The following DCC variants were observed in gnomAD, a reference collection of about 807,000 sequenced individuals.
DCC encodes netrin receptor DCC.
A neutral mutation model predicts 172.5 loss-of-function variants in DCC; 58 were observed. The observed-to-expected ratio is 0.34, with a 90% CI of 0.27 to 0.42. The LOEUF is 0.42. DCC is among the 10% of genes least tolerant of loss of function. The probability of loss-of-function intolerance (pLI) is 1.00; values close to 1 mark genes in which losing one functional copy is unlikely to be tolerated. For synonymous variants in DCC, 709 were observed against 644.5 expected, an observed-to-expected ratio of 1.10 and a Z score of -1.52; for missense variants, 1,740 against 1,791.0, an observed-to-expected ratio of 0.97 and a Z score of 0.51.
At chr18:53,376,174 T>C (rs564335950) in intron 15 of DCC, among the ~76,000 whole-genome samples, 20 of 152,070 alleles carry the variant, frequency 1.3e-4, no homozygotes, top group Non-Finnish European at 2.8e-4. Flanking sequence ...GGCGGATCAC[T>C]TGAGGTCAGG....
intron 1 of DCC, among the ~76,000 whole-genome samples, chr18:52,472,786 T>A (rs1168889245): frequency 6.6e-6 from 1 of 152,072 alleles, no homozygotes; most frequent in Non-Finnish European, 1.5e-5. Flanking sequence ...GAGCCTATAG[T>A]CCCAGCTACT....
intron 1 of DCC, among the ~76,000 whole-genome samples, chr18:52,549,534 G>GAAA (rs2032706540): frequency 6.6e-6 from 1 of 152,054 alleles, no homozygotes; most frequent in Non-Finnish European, 1.5e-5. Context: ...TCCACACGGT[G>GAAA]AACCAGTGTT....
chr18:52,881,746 G>GT (rs1243449951), intron 2 of DCC, among the ~76,000 whole-genome samples: 1 of 152,008 alleles, frequency 6.6e-6, no homozygotes, highest in Non-Finnish European at 1.5e-5. Context: ...GATTATTTTA[G>GT]TTTTTTTCTT....
chr18:53,405,229 A>G (rs1546302), intron 19 of DCC, among the ~76,000 whole-genome samples: 101,435 of 151,078 alleles, frequency 0.67, 37,308 homozygotes, highest in Non-Finnish European at 0.83. Context: ...TCTCAGTGCG[A>G]CCAGGTAGAT....
intron 5 of DCC, among the ~76,000 whole-genome samples, chr18:52,994,273 T>C (rs1051641808): frequency 6.6e-6 from 1 of 152,232 alleles, no homozygotes. Flanking sequence ...AAGTAACAGA[T>C]TCTTGGCAAA....
intron 8 of DCC, among the ~76,000 whole-genome samples, chr18:53,167,934 G>T (rs4614799): frequency 6.6e-6 from 1 of 151,954 alleles, no homozygotes; most frequent in African/African-American, 2.4e-5. Flanking sequence ...AGAGTCAGAA[G>T]TGTGAGTCAG....
At chr18:52,637,760 A>T (rs1280906262) in intron 1 of DCC, among the ~76,000 whole-genome samples, 1 of 152,222 alleles carries the variant, frequency 6.6e-6, no homozygotes, top group Non-Finnish European at 1.5e-5. Context: ...ATAATAGAGG[A>T]AAACTTCCCC....
In DCC at chr18:52,923,833, G is replaced by A. The variant is rs140998273; in HGVS notation, c.824G>A (p.Arg275Gln). The change falls in exon 4 of 29, where the codon CGA (arginine) becomes CAA (glutamine). Residue 275 changes from arginine to glutamine, a missense_variant. By Grantham distance (43) the Arg-to-Gln change is conservative (BLOSUM62 1). Around this residue, in one of 2 missense-constraint regions of DCC, gnomAD observed 1,732 missense variants for 1,767.4 expected, o/e 0.98. Coordinates refer to ENST00000442544, the MANE Select transcript of DCC (RefSeq NM_005215.4). ...CCTCCACCAAGTTTTACCTGGTTAC[G>A]AGGCGAGGAAGTCATCCAACTCAGG... is the stretch of plus-strand genomic sequence containing the variant. ...GYPPPSFTWL[R>Q]GEEVIQLRSK... 117 of 1,613,194 alleles carry A rather than the reference G, an allele frequency of 7.3e-5. No homozygotes were observed. The highest frequency in any genetic ancestry group is 9.0e-5 in the Non-Finnish European group (106 of 1,179,534).
At chr18:53,254,840 C>T (rs2056484118) in intron 12 of DCC, among the ~76,000 whole-genome samples, 1 of 152,022 alleles carries the variant, frequency 6.6e-6, no homozygotes, top group Non-Finnish European at 1.5e-5. Context: ...GTGCATCCAT[C>T]AGCAATATTT....
chr18:52,541,054 T>C (rs150087854), intron 1 of DCC, among the ~76,000 whole-genome samples: 1 of 152,208 alleles, frequency 6.6e-6, no homozygotes, highest in African/African-American at 2.4e-5. Context: ...TCCCGTTTGA[T>C]TCTCATAGCT....
In DCC at chr18:52,852,867, A is replaced by G. The variant is rs561131441; in HGVS notation, c.413-53177A>G. On this transcript the variant is annotated intron_variant, in intron 2 of 28. Coordinates refer to ENST00000442544, the MANE Select transcript of DCC (RefSeq NM_005215.4). The stretch of plus-strand genomic sequence containing the variant: ...ATGGAAATTACATATTTAGTATCTC[A>G]TTTGGTCTACCCAGCTGCAGTATGA... Among the ~76,000 whole-genome samples, 13 of 152,282 alleles carry G rather than the reference A, an allele frequency of 8.5e-5. No homozygotes were observed. In the South Asian group the frequency reaches 2.7e-3, roughly 32 times the overall value.
At chr18:52,581,196 T>TATCTATCTATCTATCTATCTATA (rs1412305707) in intron 1 of DCC, among the ~76,000 whole-genome samples, 1 of 151,920 alleles carries the variant, frequency 6.6e-6, no homozygotes, top group African/African-American at 2.4e-5. Context: ...CTTATCTATC[T>TATCTATCTATCTATCTATCTATA]ATCTATCTAT....
At chr18:53,054,162 G>T (rs1488868784) in intron 5 of DCC, among the ~76,000 whole-genome samples, 1 of 152,010 alleles carries the variant, frequency 6.6e-6, no homozygotes, top group Non-Finnish European at 1.5e-5. Context: ...CAGTGTAAAT[G>T]CTGTGTAAAT....
At chr18:53,170,042 T>G (rs764363681) in intron 8 of DCC, among the ~76,000 whole-genome samples, 9 of 152,144 alleles carry the variant, frequency 5.9e-5, no homozygotes, top group Non-Finnish European at 1.2e-4. Context: ...AAAGGGTGAT[T>G]AAAAACTCGT....
intron 16 of DCC, among the ~76,000 whole-genome samples, chr18:53,386,768 G>A (rs754015212): frequency 1.6e-4 from 24 of 152,178 alleles, no homozygotes; most frequent in Non-Finnish European, 3.2e-4. Flanking sequence ...GTACATAAGA[G>A]TGAAAGGGCT....
intron 27 of DCC, among the ~76,000 whole-genome samples, chr18:53,510,218 C>T (rs893133452): frequency 2.6e-5 from 4 of 152,158 alleles, no homozygotes; most frequent in Non-Finnish European, 5.9e-5. Flanking sequence ...AATGACTGCA[C>T]ACACATTTCC....
chr18:53,436,799 C>T (rs1479060842), intron 22 of DCC, among the ~76,000 whole-genome samples: 4 of 152,100 alleles, frequency 2.6e-5, no homozygotes, highest in Non-Finnish European at 5.9e-5. Context: ...AACTTATAAA[C>T]AACAGAAATT....
chr18:53,201,589 G>GT (rs1022979992), intron 9 of DCC, among the ~76,000 whole-genome samples: 3 of 152,040 alleles, frequency 2.0e-5, no homozygotes, highest in Non-Finnish European at 4.4e-5. Context: ...AATTATTTAT[G>GT]TTTTTTTCTT....
intron 23 of DCC, among the ~76,000 whole-genome samples, chr18:53,457,759 A>T (rs1166020603): frequency 1.3e-5 from 2 of 152,170 alleles, no homozygotes; most frequent in Non-Finnish European, 2.9e-5. Flanking sequence ...GTTTCAGACC[A>T]TTGTTTTAAA....
Sources: allele counts gnomAD v4.1 joint callset (sites outside exome capture counted in the v4.1 genomes callset), GRCh38; gene constraint gnomAD v4.1.1; regional missense constraint gnomAD v4.1.1; transcripts MANE v1.5; gene names NCBI Gene and HGNC (gene_info 2026-07-23, HGNC 2026-07-21).